The following SNX16 variants were observed in gnomAD, a reference collection of about 807,000 sequenced individuals.
SNX16 encodes sorting nexin 16, also known as sorting nexin-16.
SNX16 carries 35 observed loss-of-function variants against 36.7 expected under a neutral mutation model. That is an observed-to-expected ratio of 0.95 (90% confidence interval 0.73 to 1.27). The LOEUF is 1.27. Ranked by LOEUF, SNX16 falls within the 50% of genes most tolerant of loss-of-function variation. The probability of loss-of-function intolerance (pLI) is 0.00; values close to 1 mark genes in which losing one functional copy is unlikely to be tolerated. For missense variants in SNX16, 367 were observed against 393.6 expected (o/e 0.93, Z 0.57); for synonymous variants, 134 against 132.0 (o/e 1.02, Z -0.10).
In SNX16 at chr8:81,808,798, C is replaced by T. The variant is rs985573153; in HGVS notation, c.682-5570G>A. ...GTAACAGGGAAGCTACAGGTAACAACAGATTTGTGAAGTCAGCCAAGCACA... is the reference window on the plus strand; with the variant it reads ...GTAACAGGGAAGCTACAGGTAACAATAGATTTGTGAAGTCAGCCAAGCACA... On this transcript the variant is annotated intron_variant, in intron 5 of 7. Transcript: ENST00000345957. The T allele has an allele frequency of 2.2e-5, 18 of 814,272 alleles. No individual in the cohort carries two copies. In the East Asian group the frequency reaches 4.6e-4, roughly 21 times the overall value. 50.4% of individuals were successfully genotyped at this position (814,272 alleles called of 1,614,324 possible). A position where few individuals can be genotyped will look rare whatever the true frequency, so the allele number is the denominator to read the frequency against.
chr8:81,815,247 T>C, intron 5 of SNX16, 78 bp downstream of exon 5: 1 of 1,118,094 alleles, frequency 8.9e-7, no homozygotes, highest in East Asian at 2.4e-5. Context: ...CTGTTTGCTA[T>C]TCCATCCAAG....
chr8:81,809,774 T>A (rs139025720), intron 5 of SNX16, among the ~76,000 whole-genome samples: 1 of 152,348 alleles, frequency 6.6e-6, no homozygotes, highest in East Asian at 1.9e-4. Context: ...TTTTAGCATA[T>A]GCAGTGAAGT....
At chr8:81,840,151 C>A in intron 1 of SNX16, 69 bp from the exon 2 acceptor site, 1 of 743,000 alleles carries the variant, frequency 1.3e-6, no homozygotes, top group South Asian at 2.6e-5. Flanking sequence ...GAAAAGTATT[C>A]TTTTCAATTT....
At position 81,800,990 on chromosome 8, in the gene SNX16, G is replaced by T. The variant is rs1445702837; in HGVS notation, c.*507C>A. 1.3e-5 allele frequency: 2 copies of T among 151,984 alleles called. No individual in the cohort carries two copies. Among genetic ancestry groups the T allele is most frequent in the East Asian group, 3.9e-4 (2 of 5,186 alleles). The allele number at this position is 151,984 out of a possible 1,614,324, so 9.4% of individuals were successfully genotyped here. A position where few individuals can be genotyped will look rare whatever the true frequency, so the allele number is the denominator to read the frequency against. On this transcript the variant is annotated 3_prime_UTR_variant, in exon 8 of 8. Transcript: ENST00000345957. ...TTCAAATAAGCAAATTTTATTTAGA[G>T]ATGTAAACATGTAAACATTAAAAAC...
chr8:81,824,523 T>G (rs1407302080), intron 3 of SNX16, among the ~76,000 whole-genome samples: 4 of 151,850 alleles, frequency 2.6e-5, no homozygotes, highest in African/African-American at 9.7e-5. Flanking sequence ...TTTATGCTTT[T>G]TTTTAGATCA....
At chr8:81,821,453 G>C (rs1156811671) in intron 4 of SNX16, among the ~76,000 whole-genome samples, 1 of 151,824 alleles carries the variant, frequency 6.6e-6, no homozygotes, top group Non-Finnish European at 1.5e-5. Context: ...GAAAAGGGGA[G>C]AGGATATGTC....
intron 5 of SNX16, chr8:81,808,570 ACAAT>A: frequency 2.0e-6 from 2 of 993,264 alleles, no homozygotes; most frequent in Non-Finnish European, 3.2e-6. Context: ...GGCAGTTACA[ACAAT>A]CAGTCTTCAA....
rs934399209 is a variant in SNX16 at position 81,800,788 on chromosome 8, G to A, written c.*709C>T. ...AAATCTAGGTAGAGATAAAGATTAC[G>A]TGGAAACTAAACAAATGTAACATAT... On this transcript the variant is annotated 3_prime_UTR_variant, in exon 8 of 8. Coordinates refer to ENST00000345957, the MANE Select transcript of SNX16 (RefSeq NM_152836.3). The A allele has an allele frequency of 2.6e-5, 4 of 152,098 alleles. No homozygotes were observed. Among genetic ancestry groups the A allele is most frequent in the African/African-American group, 7.2e-5 (3 of 41,420 alleles). The allele number at this position is 152,098 out of a possible 1,614,324, so 9.4% of individuals were successfully genotyped here. A position where few individuals can be genotyped will look rare whatever the true frequency, so the allele number is the denominator to read the frequency against.
intron 4 of SNX16, among the ~76,000 whole-genome samples, chr8:81,822,941 C>CAT (rs1810819886): frequency 4.0e-5 from 2 of 50,532 alleles, no homozygotes; most frequent in African/African-American, 1.2e-4. Flanking sequence ...TATATATATA[C>CAT]ATATACATAT....
intron 2 of SNX16, 111 bp downstream of exon 2, chr8:81,839,501 C>G: frequency 8.8e-7 from 1 of 1,131,614 alleles, no homozygotes; most frequent in Non-Finnish European, 1.2e-6. Flanking sequence ...ATTAGAATTT[C>G]ATATTCAAGA....
In SNX16 at chr8:81,800,784, T is replaced by G. The variant is rs986428265; in HGVS notation, c.*713A>C. The G allele has an allele frequency of 6.6e-6, 1 of 152,194 alleles. No individual in the cohort carries two copies. Among genetic ancestry groups the G allele is most frequent in the Non-Finnish European group, 1.5e-5 (1 of 67,676 alleles). 9.4% of individuals were successfully genotyped at this position (152,194 alleles called of 1,614,324 possible). ...CACTAAATCTAGGTAGAGATAAAGA[T>G]TACGTGGAAACTAAACAAATGTAAC... On this transcript the variant is annotated 3_prime_UTR_variant, in exon 8 of 8. Transcript: ENST00000345957.
chr8:81,824,581 G>A (rs1353769112), intron 3 of SNX16, among the ~76,000 whole-genome samples: 1 of 151,828 alleles, frequency 6.6e-6, no homozygotes, highest in Admixed American at 6.6e-5. Flanking sequence ...TCTTCTATGT[G>A]TCTTTCCTAA....
At position 81,829,500 on chromosome 8, in the gene SNX16, A is replaced by C; in HGVS notation, c.392T>G (p.Val131Gly). Residue 131 changes from valine (V) to glycine (G), a missense_variant, in exon 3 of 8, where the codon GTA becomes GGA. Coordinates refer to ENST00000345957, the MANE Select transcript of SNX16 (RefSeq NM_152836.3). ...CCAGCTTTCTTCTGGGGTTTTCTTTACTAGTATTTTATATACCTATGCACA... is the reference window on the plus strand; with the variant it reads ...CCAGCTTTCTTCTGGGGTTTTCTTTCCTAGTATTTTATATACCTATGCACA... ...RAKFTVYKIL[V>G]KKTPEESWVV... The C allele has an allele frequency of 7.1e-7, 1 of 1,405,848 alleles. No homozygotes were observed. The allele number at this position is 1,405,848 out of a possible 1,614,324, so 87.1% of individuals were successfully genotyped here.
At chr8:81,831,763 T>A (rs1283875342) in intron 2 of SNX16, among the ~76,000 whole-genome samples, 2 of 143,818 alleles carry the variant, frequency 1.4e-5, no homozygotes, top group Non-Finnish European at 3.1e-5. Context: ...GCAAAAGACA[T>A]GAACAGATAC....
At chr8:81,839,554 C>T in intron 2 of SNX16, 58 bp downstream of exon 2, 1 of 1,469,586 alleles carries the variant, frequency 6.8e-7, no homozygotes, top group Non-Finnish European at 9.2e-7. Flanking sequence ...CTGGTTTGAA[C>T]ACAGAGATTA....
intron 3 of SNX16, 29 bp downstream of exon 3, chr8:81,829,401 T>A (rs995041887): frequency 1.8e-5 from 19 of 1,032,462 alleles, no homozygotes; most frequent in Non-Finnish European, 2.4e-5. Flanking sequence ...AAAACTGAAA[T>A]GTTAGTTTGG....
chr8:81,811,717 G>A (rs1235821334), intron 5 of SNX16, among the ~76,000 whole-genome samples: 2 of 152,142 alleles, frequency 1.3e-5, no homozygotes, highest in South Asian at 2.1e-4. Flanking sequence ...AGAATCAAGA[G>A]TTGCTACAGT....
intron 5 of SNX16, among the ~76,000 whole-genome samples, chr8:81,805,074 A>G (rs1809869772): frequency 6.6e-6 from 1 of 152,282 alleles, no homozygotes; most frequent in Admixed American, 6.5e-5. Context: ...TAAGAAATAC[A>G]TATTCTTTTC....
intron 5 of SNX16, chr8:81,814,995 A>C (rs1038445081): frequency 6.4e-6 from 1 of 157,354 alleles, no homozygotes; most frequent in African/African-American, 2.4e-5. Context: ...TTGACACTCA[A>C]ATGGAAGAAA....
Sources: allele counts gnomAD v4.1 joint callset (sites outside exome capture counted in the v4.1 genomes callset), GRCh38; gene constraint gnomAD v4.1.1; transcripts MANE v1.5; gene names NCBI Gene and HGNC (gene_info 2026-07-23, HGNC 2026-07-21).